Variants in NKIRAS1 observed in about 807,000 individuals in gnomAD.
NKIRAS1 encodes the protein NF-kappa-B inhibitor-interacting Ras-like protein 1.
A neutral mutation model predicts 19.8 loss-of-function variants in NKIRAS1; 16 were observed. That is an observed-to-expected ratio of 0.81 (90% CI 0.55 to 1.23). NKIRAS1 has a LOEUF of 1.23. Ranked by LOEUF, NKIRAS1 falls within the 50% of genes most tolerant of loss-of-function variation. The probability of loss-of-function intolerance (pLI) is 0.00; values close to 1 mark genes in which losing one functional copy is unlikely to be tolerated. For missense variants in NKIRAS1, 184 were observed against 220.0 expected (o/e 0.84, Z 1.04); for synonymous variants, 88 against 79.0 (o/e 1.11, Z -0.61).
At chr3:23,910,702 T>C (rs891829525) in intron 3 of NKIRAS1, 109 bp downstream of exon 3, 39 of 753,120 alleles carry the variant, frequency 5.2e-5, no homozygotes, top group Admixed American at 6.6e-5. Flanking sequence ...TCCCTCTGGA[T>C]TATACCTCCC....
At chr3:23,921,351 T>G (rs1404989554), upstream of NKIRAS1, among the ~76,000 whole-genome samples, 2 of 152,192 alleles carry the variant, frequency 1.3e-5, no homozygotes, top group African/African-American at 4.8e-5. Flanking sequence ...TCCCACTTTA[T>G]GTGTGACCTC....
chr3:23,944,183 A>G (rs1256347891), intron 1 of NKIRAS1, among the ~76,000 whole-genome samples: 1 of 152,222 alleles, frequency 6.6e-6, no homozygotes, highest in Non-Finnish European at 1.5e-5. Flanking sequence ...GTTAGGAGAG[A>G]AACATAATTT....
chr3:23,906,955 G>A (rs1477580632), intron 3 of NKIRAS1, among the ~76,000 whole-genome samples: 3 of 151,902 alleles, frequency 2.0e-5, no homozygotes, highest in Non-Finnish European at 2.9e-5. Context: ...GTGCAGTGGC[G>A]TGATCTTGGC....
intron 1 of NKIRAS1, chr3:23,916,218 T>A (rs545403424): frequency 3.3e-5 from 5 of 152,036 alleles, no homozygotes; most frequent in Non-Finnish European, 5.9e-5. Context: ...GAACGCATAA[T>A]CTGGAAGGAA....
chr3:23,906,706 A>C (rs2125401290), intron 3 of NKIRAS1, among the ~76,000 whole-genome samples: 1 of 149,642 alleles, frequency 6.7e-6, no homozygotes, highest in South Asian at 2.1e-4. Flanking sequence ...GGCTGCAGTG[A>C]GGTGAGATGG....
intron 1 of NKIRAS1, among the ~76,000 whole-genome samples, chr3:23,944,632 A>G (rs993066572): frequency 2.6e-5 from 4 of 152,250 alleles, no homozygotes; most frequent in African/African-American, 9.6e-5. Context: ...AGATGCAAAA[A>G]AGCGGCATAA....
chr3:23,912,788 A>G (rs1703894245), intron 1 of NKIRAS1, among the ~76,000 whole-genome samples: 1 of 152,072 alleles, frequency 6.6e-6, no homozygotes, highest in African/African-American at 2.4e-5. Context: ...CTTGGAACCA[A>G]CCCAAATGTC....
At chr3:23,943,778 G>A (rs923215957) in intron 1 of NKIRAS1, among the ~76,000 whole-genome samples, 2 of 152,172 alleles carry the variant, frequency 1.3e-5, no homozygotes, top group African/African-American at 2.4e-5. Context: ...AAGAATAGAG[G>A]GCTACCGTGA....
At chr3:23,934,635 G>A (rs1052331006) in intron 1 of NKIRAS1, among the ~76,000 whole-genome samples, 1 of 152,042 alleles carries the variant, frequency 6.6e-6, no homozygotes, top group Non-Finnish European at 1.5e-5. Context: ...CAGCACTCTC[G>A]GGTCAGCAGG....
Position 23,927,141 on chromosome 3 carries a change from C to G in NKIRAS1, c.-139-15691G>C, listed in dbSNP as rs1269740504. Among the ~76,000 whole-genome samples, 1 of 152,154 alleles carries G rather than the reference C, an allele frequency of 6.6e-6. No individual in the cohort carries two copies. The highest frequency in any genetic ancestry group is 1.5e-5 in the Non-Finnish European group (1 of 68,018). ...ACATCATCACTATACATATAGTTTT[C>G]AACCTATTTTTATATAAGAAAAATA... On this transcript the variant is annotated intron_variant, in intron 1 of 4. Transcript: ENST00000421515. This position sits in a 1 kb window ranked among gnomAD's most constrained non-coding sequence, Gnocchi z 4.0.
intron 3 of NKIRAS1, among the ~76,000 whole-genome samples, 179 bp from the exon 4 acceptor site, chr3:23,901,228 A>C (rs1203950864): frequency 6.7e-6 from 1 of 148,504 alleles, no homozygotes; most frequent in East Asian, 2.0e-4. Flanking sequence ...GCCCAGGCTG[A>C]AGTGCAGTGG....
At chr3:23,915,213 G>C (rs13100706) in intron 1 of NKIRAS1, among the ~76,000 whole-genome samples, 32,002 of 152,154 alleles carry the variant, frequency 0.21, 3,965 homozygotes, top group Middle Eastern at 0.33. Context: ...GGAGAGGACA[G>C]AAGGTGTAAT....
chr3:23,939,216 T>C (rs890006630), intron 1 of NKIRAS1, among the ~76,000 whole-genome samples: 2 of 152,182 alleles, frequency 1.3e-5, no homozygotes, highest in Admixed American at 6.5e-5. Context: ...AGAAACTGAC[T>C]CTGGCTAATT....
intron 1 of NKIRAS1, chr3:23,945,495 G>C: frequency 3.4e-6 from 3 of 873,586 alleles, no homozygotes; most frequent in Non-Finnish European, 4.3e-6. Context: ...TTCCAGCCCG[G>C]GGCGGCGCGG....
At chr3:23,932,478 C>T (rs9853954) in intron 1 of NKIRAS1, among the ~76,000 whole-genome samples, 20,553 of 151,818 alleles carry the variant, frequency 0.14, 1,999 homozygotes, top group African/African-American at 0.26. Context: ...CACCTGAGGT[C>T]GGGAGTCCAA....
chr3:23,918,114 C>T (rs1704775133), upstream of NKIRAS1: 4 of 1,477,268 alleles, frequency 2.7e-6, no homozygotes, highest in Non-Finnish European at 3.7e-6. Context: ...ACACTGCTGC[C>T]TCAGTGTCTT....
At position 23,922,293 on chromosome 3, in the gene NKIRAS1, A is replaced by G. The variant is rs1158227036; in HGVS notation, c.-139-10843T>C. ...AATCCCAAAAGGTGCAGTTACTAGT[A>G]TTAATCCTTTTTTGCCAATGAGGAA... On this transcript the variant is annotated intron_variant, in intron 1 of 4. Coordinates refer to the NKIRAS1 transcript ENST00000421515. This position sits in a 1 kb window ranked among gnomAD's most constrained non-coding sequence, Gnocchi z 4.2. 1 of 152,286 alleles carries G rather than the reference A, an allele frequency of 6.6e-6. No individual in the cohort carries two copies. The highest frequency in any genetic ancestry group is 6.5e-5 in the Admixed American group (1 of 15,294). 9.4% of individuals were successfully genotyped at this position (152,286 alleles called of 1,614,324 possible).
chr3:23,894,111 CAAAA>C (rs1039389262), intron 4 of NKIRAS1, among the ~76,000 whole-genome samples: 6 of 151,908 alleles, frequency 3.9e-5, no homozygotes, highest in Admixed American at 3.3e-4. Context: ...GGGCCAAAAA[CAAAA>C]AAAGTATGTG....
At chr3:23,930,810 C>G (rs1221255815) in intron 1 of NKIRAS1, among the ~76,000 whole-genome samples, 2 of 152,024 alleles carry the variant, frequency 1.3e-5, no homozygotes, top group African/African-American at 4.8e-5. Context: ...TTAGGTGATC[C>G]TCCCACCTTT....
Sources: allele counts gnomAD v4.1 joint callset (sites outside exome capture counted in the v4.1 genomes callset), GRCh38; gene constraint gnomAD v4.1.1; non-coding constraint Gnocchi (gnomAD v3.1); transcripts MANE v1.5; gene names NCBI Gene and HGNC (gene_info 2026-07-23, HGNC 2026-07-21).